FABP1: variants seen among roughly 807,000 people sequenced by gnomAD.
FABP1 encodes the protein fatty acid binding protein 1.
FABP1 carries 13 observed loss-of-function variants against 13.7 expected under a neutral mutation model. The ratio of observed to expected loss-of-function variants is 0.95; its 90% CI spans 0.62 to 1.51. The LOEUF (loss-of-function observed/expected upper bound fraction) is 1.51, where lower values mean the gene tolerates loss of function less well. Among genes scored for constraint, FABP1 ranks in the 40% most tolerant of loss-of-function variants. The pLI is 0.00. For synonymous variants in FABP1, 48 were observed against 59.8 expected, an observed-to-expected ratio of 0.80 and a Z score of 0.91; for missense variants, 140 against 155.7, an observed-to-expected ratio of 0.90 and a Z score of 0.54.
At chr2:88,127,763 T>C (rs1027561877) in intron 1 of FABP1, among the ~76,000 whole-genome samples, 188 bp downstream of exon 1, 7 of 152,214 alleles carry the variant, frequency 4.6e-5, no homozygotes, top group African/African-American at 1.7e-4. Context: ...CACTTGCCTA[T>C]GGGGTGGCCT....
In FABP1 at chr2:88,126,361, G is replaced by T; in HGVS notation, c.68-13C>A. The T allele has an allele frequency of 6.2e-7, 1 of 1,610,924 alleles. No individual in the cohort carries two copies. Among genetic ancestry groups the T allele is most frequent in the Non-Finnish European group, 8.5e-7 (1 of 1,177,386 alleles). ...TCTTCCGGCAGACCTGGTGGAAACCGTCTGAGGTTTAGATATGGGCAGAGG... is the reference window on the plus strand; with the variant it reads ...TCTTCCGGCAGACCTGGTGGAAACCTTCTGAGGTTTAGATATGGGCAGAGG... On this transcript the variant is annotated splice_polypyrimidine_tract_variant and intron_variant, in intron 1 of 3. Coordinates refer to ENST00000295834, the MANE Select transcript of FABP1 (RefSeq NM_001443.3).
At chr2:88,124,731 G>T (rs1675265852) in intron 2 of FABP1, 145 bp from the exon 3 acceptor site, 4 of 581,246 alleles carry the variant, frequency 6.9e-6, no homozygotes, top group Non-Finnish European at 1.2e-5. Context: ...TAGTTCTCTG[G>T]CTCCAAATAG....
chr2:88,126,515 C>T, intron 1 of FABP1, 167 bp from the exon 2 acceptor site: 1 of 660,084 alleles, frequency 1.5e-6, no homozygotes, highest in South Asian at 2.0e-5. Context: ...CGGCTGTGGC[C>T]TCAGAAAGGA....
chr2:88,126,452 C>G (rs1429000222), intron 1 of FABP1, 104 bp from the exon 2 acceptor site: 1 of 1,197,900 alleles, frequency 8.3e-7, no homozygotes, highest in Non-Finnish European at 1.2e-6. Context: ...CAGAGAAGGG[C>G]ACTGTGTCTC....
chr2:88,123,126 A>G, intron 3 of FABP1, 22 bp from the exon 4 acceptor site: 1 of 1,601,862 alleles, frequency 6.2e-7, no homozygotes, highest in Non-Finnish European at 8.5e-7. Flanking sequence ...AAAAGAAATT[A>G]TGAAGTGTTC....
intron 3 of FABP1, chr2:88,123,354 T>C: frequency 2.0e-6 from 1 of 510,306 alleles, no homozygotes; most frequent in Non-Finnish European, 3.5e-6. Flanking sequence ...GACTGAATTC[T>C]TTTCTACATC....
At chr2:88,126,054 C>A (rs1675290382) in intron 2 of FABP1, 122 bp downstream of exon 2, 1 of 1,028,544 alleles carries the variant, frequency 9.7e-7, no homozygotes, top group African/African-American at 1.6e-5. Context: ...GCTTCTCCCA[C>A]ATGGGAGGTG....
chr2:88,126,876 C>A (rs545000805), intron 1 of FABP1: 1 of 154,032 alleles, frequency 6.5e-6, no homozygotes, highest in Admixed American at 6.4e-5. Flanking sequence ...AATCCCTTGC[C>A]CTGGGATAGA....
Position 88,127,897 on chromosome 2 carries a change from A to T in FABP1, c.67+54T>A, listed in dbSNP as rs1188075493. 5 of 1,568,328 alleles carry T rather than the reference A, an allele frequency of 3.2e-6. No homozygotes were observed. The East Asian group carries it at 1.1e-4, about 35-fold the overall frequency. ...GACCCTAAATAGCCACTGCTGGTAGAGCTAGACCCTCACTGATGTGACCCA... is the reference window on the plus strand; with the variant it reads ...GACCCTAAATAGCCACTGCTGGTAGTGCTAGACCCTCACTGATGTGACCCA... On this transcript the variant is annotated intron_variant, in intron 1 of 3. Transcript: ENST00000295834.
chr2:88,126,800 CG>C (rs1675306730), intron 1 of FABP1: 1 of 162,668 alleles, frequency 6.1e-6, no homozygotes, highest in African/African-American at 2.4e-5. Flanking sequence ...ATACACAAAG[CG>C]GCACTGTGCC....
Position 88,124,530 on chromosome 2 carries a change from CTT to C in FABP1, c.295_296del (p.Lys99ValfsTer18). 6.2e-7 allele frequency: 1 copy of C among 1,611,480 alleles called. No homozygotes were observed. The highest frequency in any genetic ancestry group is 8.5e-7 in the Non-Finnish European group (1 of 1,178,838). On this transcript the variant is annotated frameshift_variant, in exon 3 of 4. Transcript: ENST00000295834. LOFTEE classifies it high-confidence loss of function. Reference protein sequence around the residue: ...NKLVTTFKNIKSVTELNGDII... With the variant: ...NKLVTTFKNIXSVTELNGDII... ...TGTCGCCGTTGAGTTCGGTCACAGA[CTT>C]GATGTTTTTGAAAGTTGTCACCAGT...
chr2:88,126,076 G>A (rs1336223197), intron 2 of FABP1, 100 bp downstream of exon 2: 5 of 1,277,518 alleles, frequency 3.9e-6, no homozygotes, highest in African/African-American at 1.5e-5. Context: ...GTTCAGAGAT[G>A]GTATCTGTGG....
intron 2 of FABP1, among the ~76,000 whole-genome samples, chr2:88,125,532 C>A (rs1675279992): frequency 6.6e-6 from 1 of 152,174 alleles, no homozygotes; most frequent in African/African-American, 2.4e-5. Context: ...CTCACACAGC[C>A]CACACCCCAG....
chr2:88,127,081 C>T (rs1422840974), intron 1 of FABP1, among the ~76,000 whole-genome samples: 1 of 152,130 alleles, frequency 6.6e-6, no homozygotes, highest in Non-Finnish European at 1.5e-5. Flanking sequence ...CTGCTGTCTT[C>T]AGCACCCTTC....
At chr2:88,123,235 AT>A in intron 3 of FABP1, 131 bp from the exon 4 acceptor site, 3 of 744,122 alleles carry the variant, frequency 4.0e-6, no homozygotes, top group Non-Finnish European at 6.6e-6. Flanking sequence ...CAATTCAAAA[AT>A]TCGTCTGGTT....
intron 1 of FABP1, among the ~76,000 whole-genome samples, chr2:88,127,084 C>T (rs1316016426): frequency 6.6e-6 from 1 of 152,152 alleles, no homozygotes; most frequent in Non-Finnish European, 1.5e-5. Flanking sequence ...CTGTCTTCAG[C>T]ACCCTTCTCA....
At position 88,123,238 on chromosome 2, in the gene FABP1, C is replaced by T. The variant is rs111979164; in HGVS notation, c.334-134G>A. 1,594 of 724,250 alleles carry T rather than the reference C, an allele frequency of 2.2e-3. 18 individuals are homozygous for T. In the African/African-American group the frequency reaches 0.024, roughly 11 times the overall value. 44.9% of individuals were successfully genotyped at this position (724,250 alleles called of 1,614,324 possible). ...TGGCATATGAAACAATTCAAAAATT[C>T]GTCTGGTTTCCTGTAGGACCGGAGG... On this transcript the variant is annotated intron_variant, in intron 3 of 3. Coordinates refer to ENST00000295834, the MANE Select transcript of FABP1 (RefSeq NM_001443.3).
intron 2 of FABP1, 31 bp from the exon 3 acceptor site, chr2:88,124,617 A>G (rs771298397): frequency 6.5e-7 from 1 of 1,548,090 alleles, no homozygotes; most frequent in South Asian, 1.1e-5. Context: ...ACCTGTGAGG[A>G]AGGGGTGGTG....
At chr2:88,125,179 T>G (rs1302676624) in intron 2 of FABP1, among the ~76,000 whole-genome samples, 1 of 152,062 alleles carries the variant, frequency 6.6e-6, no homozygotes, top group Admixed American at 6.6e-5. Flanking sequence ...TTATACATCC[T>G]GGAAGAGATG....
Sources: gnomAD v4.1 joint callset for allele counts (sites outside exome capture counted in the v4.1 genomes callset) on GRCh38, gnomAD v4.1.1 for gene constraint, MANE v1.5 for transcripts, NCBI Gene and HGNC (gene_info 2026-07-23, HGNC 2026-07-21) for gene names.